The following SEPTIN10 variants were observed in gnomAD, a reference collection of about 807,000 sequenced individuals.
SEPTIN10 encodes the protein septin 10.
SEPTIN10 carries 66 observed loss-of-function variants against 54.8 expected under a neutral mutation model. The observed-to-expected ratio is 1.21, with a 90% confidence interval of 0.99 to 1.48. SEPTIN10 has a LOEUF of 1.48. Among genes scored for constraint, SEPTIN10 ranks in the 40% most tolerant of loss-of-function variants. SEPTIN10 has a pLI of 0.00. For synonymous variants in SEPTIN10, 161 were observed against 181.0 expected, an observed-to-expected ratio of 0.89 and a Z score of 0.89; for missense variants, 620 against 545.6, an observed-to-expected ratio of 1.14 and a Z score of -1.36.
Position 109,574,765 on chromosome 2 carries a change from T to C in SEPTIN10, c.416A>G (p.Tyr139Cys). 6.4e-7 allele frequency: 1 copy of C among 1,567,862 alleles called. No homozygotes were observed. The highest frequency in any genetic ancestry group is 2.3e-5 in the East Asian group (1 of 43,564). ...ATCTATGTAGTCAACTATTGGTTGGTAGCTGAAAAATTATTTAAATGTTTA... is the reference window on the plus strand; with the variant it reads ...ATCTATGTAGTCAACTATTGGTTGGCAGCTGAAAAATTATTTAAATGTTTA... ...FGDQINKEES[Y>C]QPIVDYIDAQ... Residue 139 changes from tyrosine (Y) to cysteine (C), a missense_variant and splice_region_variant, in exon 5 of 11, where the codon TAC becomes TGC. Transcript: ENST00000397712.
chr2:109,611,884 G>C (rs1385934298), intron 1 of SEPTIN10, among the ~76,000 whole-genome samples: 3 of 152,136 alleles, frequency 2.0e-5, no homozygotes, highest in Non-Finnish European at 4.4e-5. Context: ...TTCCTGGTAG[G>C]GATGCAAAAT....
At chr2:109,549,520 T>C (rs1682288791) in intron 9 of SEPTIN10, among the ~76,000 whole-genome samples, 1 of 152,226 alleles carries the variant, frequency 6.6e-6, no homozygotes. Context: ...CATTCATGGT[T>C]CCATTATTCA....
chr2:109,611,864 C>T (rs1573917018), intron 1 of SEPTIN10, among the ~76,000 whole-genome samples: 1 of 152,264 alleles, frequency 6.6e-6, no homozygotes, highest in African/African-American at 2.4e-5. Context: ...GAAACTGGAC[C>T]TCTCATACTT....
In SEPTIN10 at chr2:109,553,313, G is replaced by A. The variant is rs1182975211; in HGVS notation, c.1029-94C>T. ...TAATCCCAACACTTTGGGAGGCCGA[G>A]GCAGGTGGATCACCTAAGGTCAGGA... is the stretch of plus-strand genomic sequence containing the variant. On this transcript the variant is annotated intron_variant, in intron 8 of 10. Transcript: ENST00000397712. The A allele has an allele frequency of 3.0e-6, 4 of 1,312,494 alleles. No individual in the cohort carries two copies. The South Asian group carries it at 5.4e-5, about 18-fold the overall frequency. The allele number at this position is 1,312,494 out of a possible 1,614,324, so 81.3% of individuals were successfully genotyped here.
intron 2 of SEPTIN10, among the ~76,000 whole-genome samples, chr2:109,590,108 A>ATG (rs34138147): frequency 0.13 from 20,205 of 151,184 alleles, 1,821 homozygotes; most frequent in African/African-American, 0.26. Context: ...ATATATATGT[A>ATG]TGTATATATA....
chr2:109,562,371 C>T (rs1685880790), intron 8 of SEPTIN10, among the ~76,000 whole-genome samples: 1 of 151,784 alleles, frequency 6.6e-6, no homozygotes, highest in Non-Finnish European at 1.5e-5. Context: ...CTTCCACCTG[C>T]CCCCCTCCCC....
chr2:109,612,119 A>C (rs1361863550), intron 1 of SEPTIN10, among the ~76,000 whole-genome samples: 2 of 152,188 alleles, frequency 1.3e-5, no homozygotes, highest in Non-Finnish European at 2.9e-5. Flanking sequence ...CATACCATGG[A>C]ATACTACCCC....
rs1023348971 is a variant in SEPTIN10, at chr2:109,567,987, T to C, written c.601-11A>G. 6 of 1,559,482 alleles carry C rather than the reference T, an allele frequency of 3.8e-6. No homozygotes were observed. Among genetic ancestry groups the C allele is most frequent in the East Asian group, 4.5e-5 (2 of 44,148 alleles). On this transcript the variant is annotated splice_polypyrimidine_tract_variant and intron_variant, in intron 5 of 10. Transcript: ENST00000397712. ...TGGTATAATGTTTACCTATTAAGAA[T>C]AAAGAAAAACAAAATCTTACTGAGG...
chr2:109,563,341 C>T (rs773745006), intron 8 of SEPTIN10, among the ~76,000 whole-genome samples: 9 of 152,140 alleles, frequency 5.9e-5, no homozygotes, highest in African/African-American at 9.7e-5. Flanking sequence ...TATGCAACAG[C>T]GGCACTAATT....
intron 9 of SEPTIN10, 135 bp downstream of exon 9, chr2:109,552,952 T>C: frequency 2.0e-6 from 2 of 978,950 alleles, no homozygotes; most frequent in Non-Finnish European, 1.5e-6. Context: ...ATTCAAATAC[T>C]ATGTGTTGGA....
chr2:109,594,172 T>C (rs959193137), intron 1 of SEPTIN10, among the ~76,000 whole-genome samples: 5 of 152,192 alleles, frequency 3.3e-5, no homozygotes, highest in Admixed American at 3.3e-4. Flanking sequence ...CAAGAAAAAC[T>C]GTACTAATTC....
At chr2:109,606,137 C>T (rs909381853) in intron 1 of SEPTIN10, among the ~76,000 whole-genome samples, 2 of 152,172 alleles carry the variant, frequency 1.3e-5, no homozygotes, top group African/African-American at 4.8e-5. Flanking sequence ...GTAACACAGG[C>T]CGGGTGCCGT....
intron 4 of SEPTIN10, among the ~76,000 whole-genome samples, chr2:109,584,474 CAA>C (rs71958517): frequency 1.7e-4 from 12 of 71,998 alleles, no homozygotes; most frequent in Admixed American, 5.2e-4. Flanking sequence ...GACTCTGTCT[CAA>C]AAAAAAAAAA....
intron 1 of SEPTIN10, among the ~76,000 whole-genome samples, chr2:109,606,696 T>C (rs1376255663): frequency 2.7e-5 from 3 of 112,866 alleles, no homozygotes; most frequent in Non-Finnish European, 5.8e-5. Flanking sequence ...TTTTTTTTTT[T>C]TGAGATGGAG....
At chr2:109,572,575 C>T (rs903828536) in intron 5 of SEPTIN10, among the ~76,000 whole-genome samples, 8 of 151,560 alleles carry the variant, frequency 5.3e-5, no homozygotes, top group African/African-American at 1.7e-4. Context: ...GTTTTATACC[C>T]GGACAGGTAG....
rs1680522256 is a variant in SEPTIN10, at chr2:109,543,935, A to G, written c.*374T>C. 3.6e-6 allele frequency: 2 copies of G among 549,206 alleles called. No individual in the cohort carries two copies. Among genetic ancestry groups the G allele is most frequent in the Non-Finnish European group, 6.4e-6 (2 of 312,406 alleles). The allele number at this position is 549,206 out of a possible 1,614,324, so 34.0% of individuals were successfully genotyped here. On this transcript the variant is annotated 3_prime_UTR_variant, in exon 11 of 11. Coordinates refer to ENST00000397712, the MANE Select transcript of SEPTIN10 (RefSeq NM_144710.5). The stretch of plus-strand genomic sequence containing the variant: ...TGTTTCACATCCACCTTATACATAT[A>G]GCCTGAAAGTAATTTATACAAAAAT...
chr2:109,599,976 T>C (rs1696257594), intron 1 of SEPTIN10, among the ~76,000 whole-genome samples: 1 of 152,154 alleles, frequency 6.6e-6, no homozygotes, highest in African/African-American at 2.4e-5. Flanking sequence ...ATTCTGATTC[T>C]CCCTTCAAGC....
intron 8 of SEPTIN10, among the ~76,000 whole-genome samples, chr2:109,559,997 C>T (rs143637340): frequency 0.044 from 6,650 of 150,072 alleles, 447 homozygotes; most frequent in African/African-American, 0.15. Flanking sequence ...CTTGGCTCAC[C>T]GCAAGCTCTG....
chr2:109,571,334 T>G (rs955224810), intron 5 of SEPTIN10, among the ~76,000 whole-genome samples: 1 of 152,206 alleles, frequency 6.6e-6, no homozygotes, highest in Non-Finnish European at 1.5e-5. Flanking sequence ...TCTTAGGTGA[T>G]TTTGATGTTG....
Sources: allele counts gnomAD v4.1 joint callset (sites outside exome capture counted in the v4.1 genomes callset), GRCh38; gene constraint gnomAD v4.1.1; transcripts MANE v1.5; gene names NCBI Gene and HGNC (gene_info 2026-07-23, HGNC 2026-07-21).